The following DNAH12 variants were observed in gnomAD, a reference collection of about 807,000 sequenced individuals.
DNAH12 encodes axonemal beta dynein heavy chain 12.
Under a neutral mutation model 371.5 loss-of-function variants are expected in DNAH12, and 285 were observed. The ratio of observed to expected loss-of-function variants is 0.77; its 90% CI spans 0.70 to 0.85. The LOEUF (loss-of-function observed/expected upper bound fraction) is 0.85, where lower values mean the gene tolerates loss of function less well. Among genes scored for constraint, DNAH12 ranks in the 40% least tolerant of loss-of-function variants. The probability of loss-of-function intolerance (pLI) is 0.00; values close to 1 mark genes in which losing one functional copy is unlikely to be tolerated. For missense variants in DNAH12, 3,611 were observed against 3,689.4 expected, an observed-to-expected ratio of 0.98 and a Z score of 0.55; for synonymous variants, 1,200 against 1,213.0, an observed-to-expected ratio of 0.99 and a Z score of 0.22.
intron 13 of DNAH12, among the ~76,000 whole-genome samples, chr3:57,478,553 A>G (rs2066617843): frequency 1.3e-5 from 2 of 152,204 alleles, no homozygotes; most frequent in South Asian, 4.1e-4. Context: ...GCCAACATTC[A>G]AATTCAGGAA....
chr3:57,528,652 G>C (rs1167485826), intron 2 of DNAH12, among the ~76,000 whole-genome samples: 2 of 150,586 alleles, frequency 1.3e-5, no homozygotes, highest in Non-Finnish European at 3.0e-5. Flanking sequence ...CTTGAACCCG[G>C]GAGGCGGAGG....
intron 35 of DNAH12, among the ~76,000 whole-genome samples, chr3:57,424,615 A>C (rs545844155): frequency 2.4e-4 from 36 of 151,966 alleles, no homozygotes; most frequent in Admixed American, 1.6e-3. Flanking sequence ...GTCTCTACTA[A>C]AAATACAAAA....
chr3:57,500,588 C>T (rs2153389969), intron 11 of DNAH12, among the ~76,000 whole-genome samples: 1 of 152,270 alleles, frequency 6.6e-6, no homozygotes, highest in East Asian at 1.9e-4. Flanking sequence ...CCCTTCTCCA[C>T]CTATAAAATC....
intron 8 of DNAH12, among the ~76,000 whole-genome samples, chr3:57,505,048 T>C (rs371639065): frequency 5.9e-5 from 9 of 152,104 alleles, no homozygotes; most frequent in African/African-American, 2.2e-4. Flanking sequence ...CTACCACGCC[T>C]GGCTAATTTT....
At chr3:57,362,081 T>A (rs1275814301) in intron 58 of DNAH12, among the ~76,000 whole-genome samples, 2 of 152,038 alleles carry the variant, frequency 1.3e-5, no homozygotes, top group East Asian at 3.9e-4. Context: ...TTCTCATTGT[T>A]CAATTCCCAC....
At chr3:57,476,639 C>T (rs766953693) in intron 13 of DNAH12, among the ~76,000 whole-genome samples, 4 of 152,138 alleles carry the variant, frequency 2.6e-5, no homozygotes, top group South Asian at 2.1e-4. Flanking sequence ...GCTTCTAGAG[C>T]GTTGGCAAGG....
chr3:57,315,865 A>C (rs766976825), intron 65 of DNAH12, among the ~76,000 whole-genome samples: 1 of 152,158 alleles, frequency 6.6e-6, no homozygotes, highest in Non-Finnish European at 1.5e-5. Flanking sequence ...CAGGCGAAGA[A>C]GGCTCCTGTT....
intron 59 of DNAH12, among the ~76,000 whole-genome samples, chr3:57,354,287 C>T (rs1237058935): frequency 6.6e-6 from 1 of 152,038 alleles, no homozygotes; most frequent in Non-Finnish European, 1.5e-5. Flanking sequence ...TTCTCACTTA[C>T]AACACTGAGT....
chr3:57,351,318 G>A (rs1029485683), intron 60 of DNAH12, among the ~76,000 whole-genome samples: 4 of 152,118 alleles, frequency 2.6e-5, no homozygotes, highest in African/African-American at 9.7e-5. Context: ...TAAAACGTTG[G>A]TGGGGATCTG....
rs780483122 is a variant in DNAH12 at position 57,510,854 on chromosome 3, T to C, written c.405A>G (p.Glu135=). ...ESLKEGKERE[E]LLESLINEVS... ...CCTCATTTATGAGACTTTCAAGAAG[T>C]TCTTCTCTTTCTTTCCCTTCCTTTA... Residue 135 remains glutamate (E), a synonymous_variant, in exon 5 of 74, where the codon GAA becomes GAG. Coordinates refer to ENST00000495027, the MANE Select transcript of DNAH12 (RefSeq NM_001366028.2). The C allele has an allele frequency of 8.1e-6, 13 of 1,613,954 alleles. No individual in the cohort carries two copies. The Admixed American group carries it at 2.0e-4, about 25-fold the overall frequency.
chr3:57,454,670 G>C (rs2153374959), intron 23 of DNAH12, 105 bp downstream of exon 23: 1 of 1,446,296 alleles, frequency 6.9e-7, no homozygotes, highest in Non-Finnish European at 9.3e-7. Context: ...AGGAGTTCAA[G>C]ACTAGCCTGG....
At chr3:57,506,334 G>A (rs551714315) in intron 8 of DNAH12, among the ~76,000 whole-genome samples, 4 of 152,268 alleles carry the variant, frequency 2.6e-5, no homozygotes, top group Admixed American at 6.5e-5. Flanking sequence ...TTAGAAGCTC[G>A]AAATTTACCA....
chr3:57,372,124 G>T (rs2063187870), intron 55 of DNAH12, among the ~76,000 whole-genome samples: 2 of 144,724 alleles, frequency 1.4e-5, no homozygotes, highest in Admixed American at 1.4e-4. Flanking sequence ...TGCTAGAAAA[G>T]AAGAATTGGA....
At chr3:57,547,781 C>T (rs966324195), upstream of DNAH12, among the ~76,000 whole-genome samples, 6 of 152,122 alleles carry the variant, frequency 3.9e-5, no homozygotes, top group African/African-American at 7.2e-5. Flanking sequence ...TCATCAGTTC[C>T]GTCCCATGTA....
At chr3:57,378,393 A>G (rs2063324057) in intron 52 of DNAH12, among the ~76,000 whole-genome samples, 2 of 152,240 alleles carry the variant, frequency 1.3e-5, no homozygotes, top group South Asian at 4.2e-4. Flanking sequence ...TAACAGGTTT[A>G]TTCAGGTCTG....
chr3:57,517,638 CT>C (rs1287189706), intron 4 of DNAH12, among the ~76,000 whole-genome samples: 1 of 152,168 alleles, frequency 6.6e-6, no homozygotes, highest in African/African-American at 2.4e-5. Context: ...TTATACCTTT[CT>C]AAAACCATTT....
rs1009343266 is a variant in DNAH12 at position 57,445,373 on chromosome 3, A to G, written c.4226T>C (p.Ile1409Thr). 4 of 1,550,676 alleles carry G rather than the reference A, an allele frequency of 2.6e-6. No homozygotes were observed. Among genetic ancestry groups the G allele is most frequent in the Non-Finnish European group, 3.5e-6 (4 of 1,146,778 alleles). Residue 1409 changes from isoleucine (I) to threonine (T), a missense_variant, in exon 28 of 74, where the codon ATA (isoleucine) becomes ACA (threonine). Transcript: ENST00000495027. ...GTAAGAGTAGAGGGAGATTTCTGCT[A>G]TAAGCGCATAGTTTGGAACCATCAT... ...VAMMVPNYAL[I>T]AEISLYSYGF... is the part of the protein sequence containing the mutation.
chr3:57,389,285 T>C (rs1270564904), intron 45 of DNAH12, among the ~76,000 whole-genome samples: 3 of 152,112 alleles, frequency 2.0e-5, no homozygotes, highest in Non-Finnish European at 4.4e-5. Context: ...GCTTCATTTT[T>C]AATCATCCTG....
intron 25 of DNAH12, among the ~76,000 whole-genome samples, chr3:57,452,212 C>T (rs370148477): frequency 6.6e-5 from 10 of 152,290 alleles, no homozygotes; most frequent in African/African-American, 2.2e-4. Flanking sequence ...GTAATTTCCA[C>T]TGCTACCATT....
Sources: allele counts gnomAD v4.1 joint callset (sites outside exome capture counted in the v4.1 genomes callset), GRCh38; gene constraint gnomAD v4.1.1; transcripts MANE v1.5; gene names NCBI Gene and HGNC (gene_info 2026-07-23, HGNC 2026-07-21).